The following PLCH2 variants were observed in gnomAD, a reference collection of about 807,000 sequenced individuals.
PLCH2 encodes the protein 1-phosphatidylinositol 4,5-bisphosphate phosphodiesterase eta-2.
Under a neutral mutation model 134.7 loss-of-function variants are expected in PLCH2, and 98 were observed. The ratio of observed to expected loss-of-function variants is 0.73; its 90% CI spans 0.62 to 0.86. The LOEUF is 0.86. PLCH2 is among the 40% of genes least tolerant of loss of function. The pLI, the probability that PLCH2 is intolerant of heterozygous loss-of-function variation, is 0.00. For synonymous variants in PLCH2, 974 were observed against 827.5 expected (o/e 1.18, Z -3.04); for missense variants, 1,994 against 1,986.6 (o/e 1.00, Z -0.07).
the PLCH2 span, among the ~76,000 whole-genome samples, chr1:2,416,788 G>A: frequency 1.4e-3 from 211 of 152,352 alleles, no homozygotes; most frequent in African/African-American, 4.5e-3. Context: ...GTGGGCATGG[G>A]CTGGCCTGGG....
At chr1:2,421,862 T>C (rs1638530915), upstream of PLCH2, among the ~76,000 whole-genome samples, 1 of 151,828 alleles carries the variant, frequency 6.6e-6, no homozygotes, top group African/African-American at 2.4e-5. Context: ...TAATCTCAGC[T>C]ACACAGGAGG....
At chr1:2,445,953 C>T (rs1482433117) in intron 2 of PLCH2, among the ~76,000 whole-genome samples, 3 of 152,226 alleles carry the variant, frequency 2.0e-5, no homozygotes, top group Non-Finnish European at 2.9e-5. Flanking sequence ...TGCCGTCTGT[C>T]CGGGAACGGA....
chr1:2,505,279 A>C lies in PLCH2; in HGVS notation c.*66A>C. 7.7e-7 allele frequency: 1 copy of C among 1,304,154 alleles called. No homozygotes were observed. 80.8% of individuals were successfully genotyped at this position (1,304,154 alleles called of 1,614,324 possible). A position where few individuals can be genotyped will look rare whatever the true frequency, so the allele number is the denominator to read the frequency against. On this transcript the variant is annotated 3_prime_UTR_variant, in exon 22 of 22. Coordinates refer to ENST00000378486, the MANE Select transcript of PLCH2 (RefSeq NM_014638.4). The stretch of plus-strand genomic sequence containing the variant: ...GCAGGGGTGGGCGTGTTGTTTGCTC[A>C]GGAAACAGGGCAGCCAGGCCCCCAA...
At chr1:2,480,348 C>T (rs771049339) in intron 4 of PLCH2, 36 bp downstream of exon 4, 1 of 1,600,076 alleles carries the variant, frequency 6.2e-7, no homozygotes, top group South Asian at 1.1e-5. Flanking sequence ...GCTCCAGAGC[C>T]AGGGCTGCAC....
chr1:2,465,104 T>C (rs575396441), upstream of PLCH2, among the ~76,000 whole-genome samples: 10 of 152,256 alleles, frequency 6.6e-5, no homozygotes, highest in African/African-American at 2.4e-4. Flanking sequence ...GGATCAGCTC[T>C]GCCCACCTAC....
At chr1:2,462,415 C>T (rs1640867003) in intron 2 of PLCH2, among the ~76,000 whole-genome samples, 1 of 139,236 alleles carries the variant, frequency 7.2e-6, no homozygotes, top group East Asian at 2.2e-4. Context: ...CTCTGCCTGA[C>T]ACCCCTCCAC....
chr1:2,504,790 G>A lies in PLCH2; in HGVS notation c.3828G>A (p.Leu1276=). The change falls in exon 22 of 22, where the codon CTG becomes CTA. Residue 1276 remains leucine (L), a synonymous_variant. Transcript: ENST00000378486. ...APSFEGGSRR[L]SHSLGLPGGT... is the part of the protein sequence containing the mutation. ...GCTTTGAGGGCGGCTCCCGCAGACT[G>A]AGCCACAGCCTGGGCCTCCCGGGAG... is the stretch of plus-strand genomic sequence containing the variant. The A allele has an allele frequency of 6.2e-7, 1 of 1,612,044 alleles. No homozygotes were observed. Among genetic ancestry groups the A allele is most frequent in the Non-Finnish European group, 8.5e-7 (1 of 1,179,674 alleles).
intron 11 of PLCH2, 76 bp downstream of exon 11, chr1:2,491,411 C>T: frequency 6.7e-7 from 1 of 1,486,778 alleles, no homozygotes; most frequent in Admixed American, 1.8e-5. Flanking sequence ...GCCAGGGCCC[C>T]CGAACGTATG....
intron 13 of PLCH2, among the ~76,000 whole-genome samples, chr1:2,495,820 C>T (rs1055815586): frequency 1.3e-5 from 2 of 152,050 alleles, no homozygotes; most frequent in Admixed American, 1.3e-4. Context: ...TGGATGCTGC[C>T]GGGCTGTCGG....
Position 2,502,160 on chromosome 1 carries a change from C to T in PLCH2, c.2710C>T (p.Pro904Ser), listed in dbSNP as rs1643259831. 3 of 1,500,476 alleles carry T rather than the reference C, an allele frequency of 2.0e-6. No homozygotes were observed. Among genetic ancestry groups the T allele is most frequent in the East Asian group, 5.0e-5 (2 of 39,714 alleles). The allele number at this position is 1,500,476 out of a possible 1,614,324, so 92.9% of individuals were successfully genotyped here. The change falls in exon 21 of 22, where the codon CCC (proline) becomes TCC (serine). Residue 904 changes from proline to serine, a missense_variant. This residue lies in a region of PLCH2 where 900 missense variants were observed against 752.3 expected (regional missense o/e 1.20). Transcript: ENST00000378486. ...AGGCCTCTTCCTCCGAGGCCCAAAGCCCGGCTCGCTGGACAGTCATGCTGC... is the reference window on the plus strand; with the variant it reads ...AGGCCTCTTCCTCCGAGGCCCAAAGTCCGGCTCGCTGGACAGTCATGCTGC... Reference protein sequence around the residue: ...LKGLFLRGPKPGSLDSHAAGR... With the variant: ...LKGLFLRGPKSGSLDSHAAGR...
At chr1:2,435,464 C>CTGGAGGG (rs1294395468) in intron 2 of PLCH2, among the ~76,000 whole-genome samples, 3 of 151,054 alleles carry the variant, frequency 2.0e-5, no homozygotes. Context: ...TGGCTGGAGG[C>CTGGAGGG]TGGAGGCTGG....
At chr1:2,447,851 T>TC (rs1380627865) in intron 2 of PLCH2, among the ~76,000 whole-genome samples, 1 of 152,138 alleles carries the variant, frequency 6.6e-6, no homozygotes, top group Non-Finnish European at 1.5e-5. Context: ...GAGGATGTAT[T>TC]CCCTGAGGAT....
At chr1:2,442,215 A>G (rs1325857718) in intron 2 of PLCH2, among the ~76,000 whole-genome samples, 2 of 152,136 alleles carry the variant, frequency 1.3e-5, no homozygotes, top group Non-Finnish European at 2.9e-5. Flanking sequence ...TCAGGAAAGA[A>G]CCATAGACAC....
intron 2 of PLCH2, among the ~76,000 whole-genome samples, chr1:2,441,156 G>A (rs2100526081): frequency 6.6e-6 from 1 of 152,328 alleles, no homozygotes; most frequent in East Asian, 1.9e-4. Flanking sequence ...GGGTGCTCAG[G>A]CTTTCATCTG....
chr1:2,457,921 G>A (rs566983270), intron 2 of PLCH2, among the ~76,000 whole-genome samples: 20 of 151,964 alleles, frequency 1.3e-4, no homozygotes, highest in Admixed American at 6.5e-4. Context: ...AGCACTGATG[G>A]CCACCCGGCC....
chr1:2,438,889 G>A (rs1417193576), intron 2 of PLCH2, among the ~76,000 whole-genome samples: 1 of 152,190 alleles, frequency 6.6e-6, no homozygotes, highest in Non-Finnish European at 1.5e-5. Flanking sequence ...GGGGAACCGG[G>A]GCAATTCACG....
intron 15 of PLCH2, 21 bp downstream of exon 15, chr1:2,497,031 C>T: frequency 6.2e-7 from 1 of 1,606,906 alleles, no homozygotes; most frequent in Non-Finnish European, 8.5e-7. Context: ...GCATGGTGCG[C>T]TGGGTGTGGT....
chr1:2,505,206 G>A lies in PLCH2; in HGVS notation c.4244G>A (p.Arg1415His), dbSNP rs764347680. Reference protein sequence around the residue: ...SAAAENLVLLRL With the variant: ...SAAAENLVLLHL ...GCTGCTGAAAACCTGGTCCTGCTCC[G>A]CCTCTGACCGTCAGTGGTGGGAACC... Residue 1415 changes from arginine (R) to histidine (H), a missense_variant, in exon 22 of 22, where the codon CGC becomes CAC. Physicochemically the swap from Arg to His is conservative, Grantham distance 29. This residue lies in a region of PLCH2 where 900 missense variants were observed against 752.3 expected (regional missense o/e 1.20). Transcript: ENST00000378486. 535 of 1,568,482 alleles carry A rather than the reference G, an allele frequency of 3.4e-4. No homozygotes were observed. The highest frequency in any genetic ancestry group is 4.2e-4 in the Non-Finnish European group (488 of 1,166,936).
At chr1:2,473,933 G>A (rs1205597659), upstream of PLCH2, among the ~76,000 whole-genome samples, 1 of 152,272 alleles carries the variant, frequency 6.6e-6, no homozygotes, top group African/African-American at 2.4e-5. Flanking sequence ...AGGTGTCCTG[G>A]CTCAGGCTCA....
Sources: gnomAD v4.1 joint callset for allele counts (sites outside exome capture counted in the v4.1 genomes callset) on GRCh38, gnomAD v4.1.1 for gene constraint, gnomAD v4.1.1 regional missense constraint, MANE v1.5 for transcripts, NCBI Gene and HGNC (gene_info 2026-07-23, HGNC 2026-07-21) for gene names.